Variants in ACTN3 observed in about 807,000 individuals in gnomAD.
ACTN3 encodes alpha-actinin-3.
A neutral mutation model predicts 119.6 loss-of-function variants in ACTN3; 91 were observed. The observed-to-expected ratio is 0.76, with a 90% confidence interval of 0.64 to 0.91. The LOEUF is 0.91. ACTN3 is among the 40% of genes least tolerant of loss of function. The pLI, the probability that ACTN3 is intolerant of heterozygous loss-of-function variation, is 0.00. For missense variants in ACTN3, 1,221 were observed against 1,215.1 expected (o/e 1.00, Z -0.07); for synonymous variants, 456 against 478.8 (o/e 0.95, Z 0.62).
At chr11:66,552,926 A>AT (rs1857509912) in intron 3 of ACTN3, among the ~76,000 whole-genome samples, 1 of 149,372 alleles carries the variant, frequency 6.7e-6, no homozygotes, top group Admixed American at 6.7e-5. Context: ...AGAAAACTCC[A>AT]TCTCAAAAAA....
chr11:66,554,186 C>A (rs867933847), intron 4 of ACTN3, 55 bp downstream of exon 4: 11 of 1,537,562 alleles, frequency 7.2e-6, no homozygotes, highest in Non-Finnish European at 9.0e-6. Context: ...GCCTGTAATC[C>A]CCACAGTTTG....
Position 66,546,975 on chromosome 11 carries a change from G to A in ACTN3, c.38G>A (p.Gly13Glu). 6.6e-7 allele frequency: 1 copy of A among 1,524,856 alleles called. No individual in the cohort carries two copies. Among genetic ancestry groups the A allele is most frequent in the South Asian group, 1.3e-5 (1 of 75,744 alleles). The allele number at this position is 1,524,856 out of a possible 1,614,324, so 94.5% of individuals were successfully genotyped here. A position where few individuals can be genotyped will look rare whatever the true frequency, so the allele number is the denominator to read the frequency against. Residue 13 changes from glycine to glutamate, a missense_variant, in exon 1 of 21, where the codon GGG becomes GAG. Gly to Glu is a moderately conservative substitution (Grantham distance 98). Around this residue, in one of 3 missense-constraint regions of ACTN3, gnomAD observed 239 missense variants for 231.8 expected, o/e 1.03. Transcript: ENST00000513398. The part of the protein sequence containing the change: ...MVMQPEGLGA[G>E]EGRFAGGGGG... ...ATGCAGCCCGAGGGTCTGGGGGCCGGGGAGGGGCGCTTTGCGGGCGGCGGC... is the reference window on the plus strand; with the variant it reads ...ATGCAGCCCGAGGGTCTGGGGGCCGAGGAGGGGCGCTTTGCGGGCGGCGGC...
At chr11:66,548,749 G>A (rs542019884) in intron 1 of ACTN3, among the ~76,000 whole-genome samples, 3 of 152,220 alleles carry the variant, frequency 2.0e-5, no homozygotes, top group Admixed American at 2.0e-4. Flanking sequence ...CCTCCCACCT[G>A]ATGTCTTACC....
intron 19 of ACTN3, 48 bp downstream of exon 19, chr11:66,562,370 TCTGTGCTGATCACCTA>T (rs775016272): frequency 1.3e-6 from 2 of 1,582,176 alleles, no homozygotes; most frequent in Non-Finnish European, 1.7e-6. Flanking sequence ...TACCCCCTCC[TCTGTGCTGATCACCTA>T]CTGTGCACCT....
chr11:66,555,686 A>T (rs891706593), intron 7 of ACTN3, among the ~76,000 whole-genome samples: 2 of 152,214 alleles, frequency 1.3e-5, no homozygotes, highest in African/African-American at 4.8e-5. Context: ...TGTGGTCCCC[A>T]TGCCTAGGCA....
intron 3 of ACTN3, among the ~76,000 whole-genome samples, chr11:66,553,139 A>G (rs1348863751): frequency 1.3e-5 from 2 of 151,932 alleles, no homozygotes; most frequent in East Asian, 3.9e-4. Flanking sequence ...CTGTAGTCCC[A>G]GCTACTCGGG....
In ACTN3 at chr11:66,560,231, G is replaced by A. The variant is rs761285728; in HGVS notation, c.1597G>A (p.Ala533Thr). The A allele has an allele frequency of 1.4e-5, 22 of 1,612,382 alleles. No individual in the cohort carries two copies. Among genetic ancestry groups the A allele is most frequent in the East Asian group, 1.3e-4 (6 of 44,818 alleles). ...GCAACTGGAGTTTGCCCGGCGGGCC[G>A]CGCCCTTCAACAACTGGCTGGATGG... ...RLQLEFARRA[A>T]PFNNWLDGAV... Residue 533 changes from alanine (A) to threonine (T), a missense_variant, in exon 14 of 21, where the codon GCG becomes ACG. By Grantham distance (58) the Ala-to-Thr change is moderately conservative. Transcript: ENST00000513398.
At chr11:66,546,899 G>A (rs1446706366), upstream of ACTN3, 3 of 1,521,678 alleles carry the variant, frequency 2.0e-6, no homozygotes, top group South Asian at 1.3e-5. Context: ...GGGTGTCCGA[G>A]AGCGTGCCGA....
chr11:66,559,960 G>A lies in ACTN3; in HGVS notation c.1428-8G>A, dbSNP rs372629956. 122 of 1,585,758 alleles carry A rather than the reference G, an allele frequency of 7.7e-5. No individual in the cohort carries two copies. The highest frequency in any genetic ancestry group is 3.6e-4 in the African/African-American group (27 of 74,404). Reference sequence around the variant, plus strand: ...TGGCCCCACACTCGCCCTACTTCTCGCTCCCAGTGAGCTGGACTACCACGA... The same window carrying A: ...TGGCCCCACACTCGCCCTACTTCTCACTCCCAGTGAGCTGGACTACCACGA... On this transcript the variant is annotated splice_region_variant and splice_polypyrimidine_tract_variant and intron_variant, in intron 12 of 20. Transcript: ENST00000513398.
intron 19 of ACTN3, 74 bp from the exon 20 acceptor site, chr11:66,562,722 C>A: frequency 1.3e-6 from 2 of 1,502,722 alleles, no homozygotes; most frequent in South Asian, 1.3e-5. Context: ...GTTGGACAGT[C>A]CCCAGGAGGG....
rs762496480 is a variant in ACTN3, at chr11:66,560,057, A to C, written c.1517A>C (p.Lys506Thr). The C allele has an allele frequency of 1.9e-6, 3 of 1,541,914 alleles. No homozygotes were observed. Among genetic ancestry groups the C allele is most frequent in the South Asian group, 2.3e-5 (2 of 87,274 alleles). Residue 506 changes from lysine to threonine, a missense_variant, in exon 13 of 21, where the codon AAG becomes ACG. Coordinates refer to ENST00000513398, the MANE Select transcript of ACTN3 (RefSeq NM_001104.4). Reference sequence around the variant, plus strand: ...GACAACCTGGGCACCCTGACCCAGAAGAGGCGGGATGCGCTAGAGGTGGGG... The same window carrying C: ...GACAACCTGGGCACCCTGACCCAGACGAGGCGGGATGCGCTAGAGGTGGGG... ...QWDNLGTLTQ[K>T]RRDALERMEK... is the part of the protein sequence containing the mutation.
chr11:66,561,646 A>C lies in ACTN3; in HGVS notation c.2175+9A>C. 1.2e-6 allele frequency: 2 copies of C among 1,608,280 alleles called. No individual in the cohort carries two copies. Among genetic ancestry groups the C allele is most frequent in the Non-Finnish European group, 1.7e-6 (2 of 1,177,400 alleles). On this transcript the variant is annotated intron_variant, in intron 17 of 20. Coordinates refer to ENST00000513398, the MANE Select transcript of ACTN3 (RefSeq NM_001104.4). ...CCGTCTACAGCATGGAGGTGGGATC[A>C]CACCCTCTCAGGAGAGTGGGGAGGC... is the stretch of plus-strand genomic sequence containing the variant.
chr11:66,556,254 C>T, intron 8 of ACTN3, 24 bp downstream of exon 8: 1 of 1,610,634 alleles, frequency 6.2e-7, no homozygotes, highest in Non-Finnish European at 8.5e-7. Flanking sequence ...ACTGCTGCTG[C>T]CTGGGCTTGT....
At chr11:66,555,025 C>G in intron 5 of ACTN3, 105 bp from the exon 6 acceptor site, 1 of 1,012,800 alleles carries the variant, frequency 9.9e-7, no homozygotes. Context: ...GTACTTTACT[C>G]CATTTTACAG....
upstream of ACTN3, chr11:66,546,507 T>C: frequency 6.5e-7 from 1 of 1,532,746 alleles, no homozygotes; most frequent in Non-Finnish European, 8.7e-7. Context: ...TTCCTGACTG[T>C]GAAATGGGGA....
Position 66,554,077 on chromosome 11 carries a change from G to GA in ACTN3, c.415_416insA (p.Gly139GlufsTer65), listed in dbSNP as rs774267453. The GA allele has an allele frequency of 1.9e-6, 3 of 1,613,638 alleles. No homozygotes were observed. On this transcript the variant is annotated frameshift_variant, in exon 4 of 21. Coordinates refer to ENST00000513398, the MANE Select transcript of ACTN3 (RefSeq NM_001104.4). LOFTEE classifies it high-confidence loss of function. ...TGACGGGAACCTGAAGATGACCCTG[G>GA]GCATGATCTGGACCATCATCCTTCG...
chr11:66,551,071 A>G (rs1857458855), intron 1 of ACTN3, 168 bp from the exon 2 acceptor site: 1 of 704,116 alleles, frequency 1.4e-6, no homozygotes, highest in Non-Finnish European at 2.6e-6. Flanking sequence ...AAGCTCAGAG[A>G]GGGAAAGGGA....
At chr11:66,546,454 C>G, upstream of ACTN3, 1 of 1,334,286 alleles carries the variant, frequency 7.5e-7, no homozygotes, top group Non-Finnish European at 1.0e-6. Flanking sequence ...CCGGGTGTCT[C>G]CATCACCCCA....
chr11:66,561,784 C>CA, intron 17 of ACTN3, 147 bp downstream of exon 17: 1 of 1,125,014 alleles, frequency 8.9e-7, no homozygotes, highest in Non-Finnish European at 1.2e-6. Flanking sequence ...TGGAAAGTGA[C>CA]CCTTCCAGAG....
Sources: gnomAD v4.1 joint callset for allele counts (sites outside exome capture counted in the v4.1 genomes callset) on GRCh38, gnomAD v4.1.1 for gene constraint, gnomAD v4.1.1 regional missense constraint, MANE v1.5 for transcripts, NCBI Gene and HGNC (gene_info 2026-07-23, HGNC 2026-07-21) for gene names.